Variants in TMEM200A observed in about 807,000 individuals in gnomAD.
TMEM200A encodes two transmembrane C.
A neutral mutation model predicts 24.3 loss-of-function variants in TMEM200A; 12 were observed. That is an observed-to-expected ratio of 0.49 (90% confidence interval 0.32 to 0.80). The LOEUF is 0.80. Ranked by LOEUF, TMEM200A falls within the 30% of genes least tolerant of loss-of-function variation. The pLI is 0.04. For missense variants in TMEM200A, 545 were observed against 614.4 expected (o/e 0.89, Z 1.19); for synonymous variants, 224 against 224.4 (o/e 1.00, Z 0.02).
chr6:130,372,070 T>C (rs1778333714), intron 1 of TMEM200A, among the ~76,000 whole-genome samples: 1 of 152,208 alleles, frequency 6.6e-6, no homozygotes, highest in African/African-American at 2.4e-5. Context: ...GTTAAGTGAC[T>C]TGCCCGAGCT....
At chr6:130,384,806 A>G (rs556914926) in intron 1 of TMEM200A, among the ~76,000 whole-genome samples, 1 of 152,370 alleles carries the variant, frequency 6.6e-6, no homozygotes, top group Non-Finnish European at 1.5e-5. Flanking sequence ...GTCAATGGGT[A>G]GGTAACTCTC....
Position 130,387,127 on chromosome 6 carries a change from T to C in TMEM200A, c.-17+1891T>C, listed in dbSNP as rs144130798. Among the ~76,000 whole-genome samples the C allele has an allele frequency of 7.1e-3, 1,089 of 152,364 alleles. 11 individuals carry two copies. The highest frequency in any genetic ancestry group is 0.017 in the Middle Eastern group (5 of 294). On this transcript the variant is annotated intron_variant, in intron 2 of 2. Transcript: ENST00000296978. ...ATATGTGTTTCTTATATGAAGGTGG[T>C]AGTGCAAGACACTGAGATGCCTAAG...
At chr6:130,414,316 C>T (rs368325678) in intron 2 of TMEM200A, among the ~76,000 whole-genome samples, 3 of 151,410 alleles carry the variant, frequency 2.0e-5, no homozygotes, top group African/African-American at 7.3e-5. Context: ...CCTGTAATCC[C>T]AGCTACTAGG....
intron 1 of TMEM200A, among the ~76,000 whole-genome samples, chr6:130,372,387 C>A (rs149567291): frequency 6.6e-6 from 1 of 152,102 alleles, no homozygotes; most frequent in Non-Finnish European, 1.5e-5. Context: ...AGTACAGGAT[C>A]TCTATCATTA....
chr6:130,370,113 A>G (rs1404333901), intron 1 of TMEM200A, among the ~76,000 whole-genome samples: 1 of 151,936 alleles, frequency 6.6e-6, no homozygotes, highest in African/African-American at 2.4e-5. Context: ...CTCTCTCCCC[A>G]TTTCTCAGTC....
At chr6:130,428,221 A>G (rs1424515767) in intron 2 of TMEM200A, among the ~76,000 whole-genome samples, 1 of 152,190 alleles carries the variant, frequency 6.6e-6, no homozygotes, top group Admixed American at 6.5e-5. Flanking sequence ...CCCAGGCAGA[A>G]AATTTCTGTC....
At position 130,374,822 on chromosome 6, in the gene TMEM200A, C is replaced by T. The variant is rs761948215; in HGVS notation, c.-81+8298C>T. On this transcript the variant is annotated intron_variant, in intron 1 of 2. Transcript: ENST00000296978. ...CTGAATTTTGAAACTTCTGGTTTTA[C>T]TCTCTTTTCCAAAGAAAATTCAACC... Among the ~76,000 whole-genome samples, 4 of 152,140 alleles carry T rather than the reference C, an allele frequency of 2.6e-5. No individual in the cohort carries two copies. The East Asian group carries it at 7.7e-4, about 29-fold the overall frequency.
chr6:130,414,817 A>G (rs906096658), intron 2 of TMEM200A, among the ~76,000 whole-genome samples: 3 of 152,166 alleles, frequency 2.0e-5, no homozygotes, highest in African/African-American at 7.2e-5. Flanking sequence ...TGTGAACAAA[A>G]TGTTCCCTTT....
At chr6:130,414,304 C>T (rs778729827) in intron 2 of TMEM200A, among the ~76,000 whole-genome samples, 28 of 151,522 alleles carry the variant, frequency 1.8e-4, no homozygotes, top group Non-Finnish European at 3.1e-4. Context: ...TGGTGTTGGG[C>T]GCCTGTAATC....
At position 130,366,239 on chromosome 6, in the gene TMEM200A, C is replaced by A. The variant is rs961952177; in HGVS notation, c.-366C>A. On this transcript the variant is annotated 5_prime_UTR_variant, in exon 1 of 3. Coordinates refer to ENST00000296978, the MANE Select transcript of TMEM200A (RefSeq NM_001258277.2). The surrounding 1 kb of genome is among the most constrained non-coding windows in gnomAD (Gnocchi z 4.4). Reference sequence around the variant, plus strand: ...ATCCCCTGCCCCGAGGCCTCCGGTGCCCCCCCGGCGCGGGCATAGGGGCGC... The same window carrying A: ...ATCCCCTGCCCCGAGGCCTCCGGTGACCCCCCGGCGCGGGCATAGGGGCGC... 2.0e-6 allele frequency: 2 copies of A among 984,270 alleles called. No individual in the cohort carries two copies. The highest frequency in any genetic ancestry group is 3.5e-5 in the African/African-American group (2 of 57,300). The allele number at this position is 984,270 out of a possible 1,614,324, so 61.0% of individuals were successfully genotyped here.
At chr6:130,420,524 C>T (rs1388338832) in intron 2 of TMEM200A, among the ~76,000 whole-genome samples, 3 of 152,064 alleles carry the variant, frequency 2.0e-5, no homozygotes, top group Non-Finnish European at 2.9e-5. Context: ...TTTTTCTGAC[C>T]AAAGTAAGTC....
intron 1 of TMEM200A, among the ~76,000 whole-genome samples, chr6:130,368,976 A>G (rs1583166381): frequency 1.3e-5 from 2 of 152,334 alleles, no homozygotes; most frequent in East Asian, 3.9e-4. Context: ...TTCTGGCAGA[A>G]TTAAAGAGAG....
chr6:130,423,085 G>A (rs1235058288), intron 2 of TMEM200A, among the ~76,000 whole-genome samples: 3 of 152,158 alleles, frequency 2.0e-5, no homozygotes, highest in Admixed American at 6.6e-5. Context: ...ATTTTAAGTG[G>A]CCTTCTATCT....
chr6:130,417,283 T>C (rs894494661), intron 2 of TMEM200A, among the ~76,000 whole-genome samples: 1 of 152,208 alleles, frequency 6.6e-6, no homozygotes, highest in Non-Finnish European at 1.5e-5. Flanking sequence ...AAAGACTGAT[T>C]TGAATGTCAC....
intron 2 of TMEM200A, among the ~76,000 whole-genome samples, chr6:130,391,731 C>CTT (rs773093362): frequency 1.2e-3 from 96 of 81,890 alleles, no homozygotes; most frequent in Non-Finnish European, 1.6e-3. Flanking sequence ...TTCAAGATTC[C>CTT]TTTTTTTTTT....
At position 130,370,097 on chromosome 6, in the gene TMEM200A, C is replaced by T. The variant is rs1200203743; in HGVS notation, c.-81+3573C>T. Reference sequence around the variant, plus strand: ...AGACTTACACAACTTTGTCGAGGTTCTTTCTCTCTCTCCCCATTTCTCAGT... The same window carrying T: ...AGACTTACACAACTTTGTCGAGGTTTTTTCTCTCTCTCCCCATTTCTCAGT... On this transcript the variant is annotated intron_variant, in intron 1 of 2. Transcript: ENST00000296978. Among the ~76,000 whole-genome samples, 4 of 152,306 alleles carry T rather than the reference C, an allele frequency of 2.6e-5. No homozygotes were observed. The East Asian group carries it at 7.7e-4, about 29-fold the overall frequency.
chr6:130,408,460 C>G (rs140807138), intron 2 of TMEM200A, among the ~76,000 whole-genome samples: 4 of 152,220 alleles, frequency 2.6e-5, no homozygotes, highest in Admixed American at 6.5e-5. Flanking sequence ...GCCCCAGAGG[C>G]CTGAATGGAT....
upstream of TMEM200A, chr6:130,365,751 C>T (rs1778119959): frequency 8.1e-6 from 8 of 985,558 alleles, no homozygotes; most frequent in Non-Finnish European, 8.4e-6. Context: ...TGGGTTTTGT[C>T]TGCGGGTGAT....
chr6:130,426,015 G>GA (rs905475102), intron 2 of TMEM200A, among the ~76,000 whole-genome samples: 10 of 152,112 alleles, frequency 6.6e-5, no homozygotes, highest in South Asian at 2.1e-4. Flanking sequence ...TGATTTTGAT[G>GA]AAAAAAAATC....
Sources: gnomAD v4.1 joint callset for allele counts (sites outside exome capture counted in the v4.1 genomes callset) on GRCh38, gnomAD v4.1.1 for gene constraint, Gnocchi (gnomAD v3.1) non-coding constraint, MANE v1.5 for transcripts, NCBI Gene and HGNC (gene_info 2026-07-23, HGNC 2026-07-21) for gene names.